The following STX3 variants were observed in gnomAD, a reference collection of about 807,000 sequenced individuals.
STX3 encodes the protein syntaxin 3.
In STX3, 19 loss-of-function variants were observed where a neutral mutation model predicts 40.2. The observed-to-expected ratio is 0.47, with a 90% confidence interval of 0.33 to 0.69. The LOEUF is 0.69. Among genes scored for constraint, STX3 ranks in the 30% least tolerant of loss-of-function variants. The pLI, the probability that STX3 is intolerant of heterozygous loss-of-function variation, is 0.02. For missense variants in STX3, 364 were observed against 366.7 expected (o/e 0.99, Z 0.06); for synonymous variants, 122 against 132.2 (o/e 0.92, Z 0.53).
intron 5 of STX3, 76 bp downstream of exon 5, chr11:59,790,662 T>C: frequency 1.8e-6 from 2 of 1,122,842 alleles, no homozygotes; most frequent in Non-Finnish European, 2.6e-6. Context: ...GGGATTTTTT[T>C]TTTTTAATAC....
intron 2 of STX3, among the ~76,000 whole-genome samples, chr11:59,780,708 T>G (rs1162035590): frequency 1.3e-5 from 2 of 152,208 alleles, no homozygotes; most frequent in African/African-American, 4.8e-5. Flanking sequence ...GCCTTCCTTC[T>G]CTTTCGCTCT....
chr11:59,788,536 A>G (rs1293186222), intron 3 of STX3, among the ~76,000 whole-genome samples: 7 of 152,140 alleles, frequency 4.6e-5, no homozygotes, highest in Non-Finnish European at 7.4e-5. Context: ...AACCTTCTCA[A>G]CCGAAGCTCC....
At chr11:59,796,553 G>A (rs1012941547) in intron 9 of STX3, among the ~76,000 whole-genome samples, 2 of 152,108 alleles carry the variant, frequency 1.3e-5, no homozygotes, top group Non-Finnish European at 2.9e-5. Flanking sequence ...TGATATCCAG[G>A]CAGTGTACTG....
chr11:59,781,937 A>G (rs1864409341), intron 2 of STX3, among the ~76,000 whole-genome samples: 1 of 152,236 alleles, frequency 6.6e-6, no homozygotes, highest in South Asian at 2.1e-4. Context: ...ATAAGTTTTC[A>G]ATACGTAAAT....
Position 59,800,217 on chromosome 11 carries a change from C to T in STX3, c.*31-638C>T, listed in dbSNP as rs569040386. The T allele has an allele frequency of 4.3e-5, 42 of 985,416 alleles. No individual in the cohort carries two copies. In the South Asian group the frequency reaches 1.7e-3, roughly 41 times the overall value. The allele number at this position is 985,416 out of a possible 1,614,324, so 61.0% of individuals were successfully genotyped here. ...AGACTGATTGTTGCCTAGGTCTGGA[C>T]TCTCCTCTTCCTCCATGTCACCCAA... On this transcript the variant is annotated intron_variant, in intron 10 of 10. Transcript: ENST00000337979.
intron 4 of STX3, 120 bp from the exon 5 acceptor site, chr11:59,790,399 C>A: frequency 1.3e-6 from 1 of 753,098 alleles, no homozygotes; most frequent in South Asian, 1.5e-5. Flanking sequence ...TTTGAGGTGA[C>A]ACCTACCTGT....
Position 59,773,295 on chromosome 11 carries a change from G to A in STX3, c.114+1G>A, listed in dbSNP as rs2134926672. Reference sequence around the variant, plus strand: ...TTTTATGGACGAGTTCTTTTCTGAGGTAGGCAACCTTCCTGTATTTTTTTC... The same window carrying A: ...TTTTATGGACGAGTTCTTTTCTGAGATAGGCAACCTTCCTGTATTTTTTTC... On this transcript the variant is annotated splice_donor_variant, in intron 2 of 10. Transcript: ENST00000337979. LOFTEE classifies it high-confidence loss of function. The A allele has an allele frequency of 6.2e-7, 1 of 1,613,886 alleles. No homozygotes were observed. The highest frequency in any genetic ancestry group is 8.5e-7 in the Non-Finnish European group (1 of 1,179,886).
In STX3 at chr11:59,789,075, G is replaced by A. The variant is rs573775508; in HGVS notation, c.289+128G>A. 2.6e-4 allele frequency: 205 copies of A among 803,674 alleles called. 2 individuals carry two copies. In the South Asian group the frequency reaches 3.3e-3, roughly 13 times the overall value. 49.8% of individuals were successfully genotyped at this position (803,674 alleles called of 1,614,324 possible). A position where few individuals can be genotyped will look rare whatever the true frequency, so the allele number is the denominator to read the frequency against. On this transcript the variant is annotated intron_variant, in intron 4 of 10. Coordinates refer to ENST00000337979, the MANE Select transcript of STX3 (RefSeq NM_004177.5). ...ACCACTTGGTCCATCTTTGCTTGTG[G>A]TTTGGGCTCTGTCCCCGCAATGATC...
At chr11:59,754,660 G>C (rs1048331799), upstream of STX3, 2 of 152,200 alleles carry the variant, frequency 1.3e-5, no homozygotes, top group Non-Finnish European at 2.9e-5. Context: ...CTCGCTCACA[G>C]GCTTCACAGC....
intron 10 of STX3, among the ~76,000 whole-genome samples, chr11:59,798,210 GTT>G (rs869122698): frequency 6.9e-5 from 8 of 116,538 alleles, no homozygotes; most frequent in African/African-American, 1.5e-4. Flanking sequence ...TGAATCACTG[GTT>G]TTTTTTTTTT....
At position 59,801,409 on chromosome 11, in the gene STX3, G is replaced by A. The variant is rs1865882318; in HGVS notation, c.*585G>A. The stretch of plus-strand genomic sequence containing the variant: ...AAAGAGCTGACTTGTTTGAAATTCA[G>A]CCTTAAATTAAGCTCTTAGTTGTTC... On this transcript the variant is annotated 3_prime_UTR_variant, in exon 11 of 11. Coordinates refer to ENST00000337979, the MANE Select transcript of STX3 (RefSeq NM_004177.5). 2.0e-6 allele frequency: 2 copies of A among 987,186 alleles called. No homozygotes were observed. The highest frequency in any genetic ancestry group is 2.4e-6 in the Non-Finnish European group (2 of 830,958). The allele number at this position is 987,186 out of a possible 1,614,324, so 61.2% of individuals were successfully genotyped here. A position where few individuals can be genotyped will look rare whatever the true frequency, so the allele number is the denominator to read the frequency against.
In STX3 at chr11:59,801,003, G is replaced by A. The variant is rs535222674; in HGVS notation, c.*179G>A. 2 of 1,524,972 alleles carry A rather than the reference G, an allele frequency of 1.3e-6. No individual in the cohort carries two copies. Among genetic ancestry groups the A allele is most frequent in the Middle Eastern group, 1.8e-4 (1 of 5,544 alleles). 94.5% of individuals were successfully genotyped at this position (1,524,972 alleles called of 1,614,324 possible). A position where few individuals can be genotyped will look rare whatever the true frequency, so the allele number is the denominator to read the frequency against. On this transcript the variant is annotated 3_prime_UTR_variant, in exon 11 of 11. Transcript: ENST00000337979. The stretch of plus-strand genomic sequence containing the variant: ...GACTCAGCTAACAATCTAGCCCTGG[G>A]GGAATGTGATCTACCTGATGCGACC...
intron 8 of STX3, 77 bp downstream of exon 8, chr11:59,793,591 A>G (rs1285346872): frequency 1.3e-6 from 2 of 1,529,378 alleles, no homozygotes; most frequent in East Asian, 2.3e-5. Flanking sequence ...GAGAAAGGGA[A>G]TACTGGAAGC....
Position 59,788,631 on chromosome 11 carries a change from T to C in STX3, c.215-242T>C, listed in dbSNP as rs185753224. Among the ~76,000 whole-genome samples, 7 of 152,326 alleles carry C rather than the reference T, an allele frequency of 4.6e-5. No homozygotes were observed. The East Asian group carries it at 1.2e-3, about 25-fold the overall frequency. On this transcript the variant is annotated intron_variant, in intron 3 of 10. Coordinates refer to ENST00000337979, the MANE Select transcript of STX3 (RefSeq NM_004177.5). ...CTCAGGAGGGTTGAAAGAGCTGATT[T>C]TGTGGTTCCAACCCTGGGTATTTTT...
intron 1 of STX3, among the ~76,000 whole-genome samples, chr11:59,767,513 A>C (rs1326121378): frequency 6.6e-6 from 1 of 152,156 alleles, no homozygotes; most frequent in Non-Finnish European, 1.5e-5. Flanking sequence ...GCAAGAGAGC[A>C]CATGTGTGTC....
In STX3 at chr11:59,755,401, G is replaced by T; in HGVS notation, c.-205G>T. 1 of 405,982 alleles carries T rather than the reference G, an allele frequency of 2.5e-6. No homozygotes were observed. The highest frequency in any genetic ancestry group is 1.2e-4 in the South Asian group (1 of 8,666). 25.1% of individuals were successfully genotyped at this position (405,982 alleles called of 1,614,324 possible). ...GGATTTGGAGCGCGAGGCGCCGGTG[G>T]GGGCGGAGGGGGCTGCGCGGCGGAG... is the stretch of plus-strand genomic sequence containing the variant. On this transcript the variant is annotated 5_prime_UTR_variant, in exon 1 of 11. Transcript: ENST00000337979.
intron 1 of STX3, among the ~76,000 whole-genome samples, chr11:59,756,402 A>C (rs1227777586): frequency 6.6e-6 from 1 of 152,216 alleles, no homozygotes; most frequent in Non-Finnish European, 1.5e-5. Flanking sequence ...TTTAAGCCAG[A>C]TATTCATTGA....
chr11:59,777,374 C>T (rs767536849), intron 2 of STX3, among the ~76,000 whole-genome samples: 13 of 152,152 alleles, frequency 8.5e-5, no homozygotes, highest in Non-Finnish European at 1.8e-4. Context: ...CAGCTATGCA[C>T]CACTGCAAAG....
intron 2 of STX3, 54 bp downstream of exon 2, chr11:59,773,348 C>T: frequency 1.3e-6 from 2 of 1,575,636 alleles, no homozygotes; most frequent in Non-Finnish European, 1.7e-6. Flanking sequence ...ACACTATTTC[C>T]TTAGTAAGAA....
Sources: gnomAD v4.1 joint callset for allele counts (sites outside exome capture counted in the v4.1 genomes callset) on GRCh38, gnomAD v4.1.1 for gene constraint, MANE v1.5 for transcripts, NCBI Gene and HGNC (gene_info 2026-07-23, HGNC 2026-07-21) for gene names.